CNTROB: variants seen among roughly 807,000 people sequenced by gnomAD.
CNTROB encodes centrobin.
In CNTROB, 82 loss-of-function variants were observed where a neutral mutation model predicts 115.7. The ratio of observed to expected loss-of-function variants is 0.71; its 90% CI spans 0.59 to 0.85. The LOEUF (loss-of-function observed/expected upper bound fraction) is 0.85, where lower values mean the gene tolerates loss of function less well. Ranked by LOEUF, CNTROB falls within the 40% of genes least tolerant of loss-of-function variation. The probability of loss-of-function intolerance (pLI) is 0.00; values close to 1 mark genes in which losing one functional copy is unlikely to be tolerated. For synonymous variants in CNTROB, 439 were observed against 456.4 expected (o/e 0.96, Z 0.49); for missense variants, 1,014 against 1,144.4 (o/e 0.89, Z 1.64).
In CNTROB at chr17:7,944,138, C is replaced by T. The variant is rs371612536; in HGVS notation, c.1461C>T (p.Asp487=). ...TGCCCTGTAGGAAGCAGCTGCAGGA[C>T]CTGAGTGGACAGCACCAGCAGGAGC... ...LREHHRKQLQ[D]LSGQHQQELA... The change falls in exon 11 of 19, where the codon GAC becomes GAT. Residue 487 remains aspartate (D), a synonymous_variant. Coordinates refer to ENST00000563694, the MANE Select transcript of CNTROB (RefSeq NM_053051.5). This position sits in a 1 kb window ranked among gnomAD's most constrained non-coding sequence, Gnocchi z 4.0. 1.5e-5 allele frequency: 24 copies of T among 1,609,836 alleles called. No homozygotes were observed. The highest frequency in any genetic ancestry group is 2.0e-5 in the Non-Finnish European group (24 of 1,176,204).
rs1361640059 is a variant in CNTROB at position 7,932,748 on chromosome 17, C to T, written c.-332C>T. Reference sequence around the variant, plus strand: ...AGCCTGTGCCGGAGTTGATCTGCAGCTTCCAGCACTCGTAGTCGGGAAGAG... The same window carrying T: ...AGCCTGTGCCGGAGTTGATCTGCAGTTTCCAGCACTCGTAGTCGGGAAGAG... On this transcript the variant is annotated 5_prime_UTR_variant, in exon 1 of 19. Transcript: ENST00000563694. The T allele has an allele frequency of 3.6e-6, 1 of 279,586 alleles. No individual in the cohort carries two copies. Among genetic ancestry groups the T allele is most frequent in the East Asian group, 8.0e-5 (1 of 12,466 alleles). 17.3% of individuals were successfully genotyped at this position (279,586 alleles called of 1,614,324 possible).
chr17:7,944,500 G>A lies in CNTROB; in HGVS notation c.1596G>A (p.Val532=), dbSNP rs774299937. Residue 532 remains valine, a synonymous_variant, in exon 12 of 19, where the codon GTG becomes GTA. Coordinates refer to ENST00000563694, the MANE Select transcript of CNTROB (RefSeq NM_053051.5). This position sits in a 1 kb window ranked among gnomAD's most constrained non-coding sequence, Gnocchi z 4.0. ...ELRLAREQAR[V]CELQSGNQQL... is the part of the protein sequence containing the mutation. ...GACTGGCCCGGGAGCAAGCGCGAGT[G>A]TGCGAACTGCAGAGTGGGAACCAGC... The A allele has an allele frequency of 2.5e-6, 4 of 1,613,920 alleles. No individual in the cohort carries two copies. In the East Asian group the frequency reaches 6.7e-5, roughly 27 times the overall value.
chr17:7,934,846 A>G (rs1972951618), intron 3 of CNTROB, 143 bp from the exon 4 acceptor site: 1 of 899,832 alleles, frequency 1.1e-6, no homozygotes, highest in African/African-American at 1.7e-5. Flanking sequence ...TATTTATAGC[A>G]CTATGGTTAT....
chr17:7,945,916 G>T lies in CNTROB; in HGVS notation c.1923G>T (p.Leu641Phe). ...CCTCCTCAGATCTTAGCCTCCTGTT[G>T]GGCCCCTCTTTTCAGAGCCAGCATT... ...CSSSSDLSLLLGPSFQSQHSF... is the reference protein window; with the variant it reads ...CSSSSDLSLLFGPSFQSQHSF... Residue 641 changes from leucine to phenylalanine, a missense_variant, in exon 13 of 19, where the codon TTG becomes TTT. Leu to Phe is a conservative substitution (Grantham distance 22). Transcript: ENST00000563694. 1.2e-6 allele frequency: 2 copies of T among 1,614,082 alleles called. No homozygotes were observed. The highest frequency in any genetic ancestry group is 1.7e-6 in the Non-Finnish European group (2 of 1,179,962).
chr17:7,933,373 C>A, intron 1 of CNTROB, 24 bp downstream of exon 1: 1 of 1,595,606 alleles, frequency 6.3e-7, no homozygotes. Context: ...GTCTTGGAGA[C>A]CACTGTGGCA....
intron 14 of CNTROB, 52 bp from the exon 15 acceptor site, chr17:7,947,864 G>A: frequency 6.2e-7 from 1 of 1,610,250 alleles, no homozygotes; most frequent in Non-Finnish European, 8.5e-7. Context: ...AGATCCCTGG[G>A]CGTTTTTCTC....
Position 7,934,986 on chromosome 17 carries a change from C to G in CNTROB, c.438-3C>G, listed in dbSNP as rs746877236. 5 of 1,576,826 alleles carry G rather than the reference C, an allele frequency of 3.2e-6. No individual in the cohort carries two copies. The South Asian group carries it at 5.8e-5, about 18-fold the overall frequency. On this transcript the variant is annotated splice_polypyrimidine_tract_variant and splice_region_variant and intron_variant, in intron 3 of 18. Coordinates refer to ENST00000563694, the MANE Select transcript of CNTROB (RefSeq NM_053051.5). Reference sequence around the variant, plus strand: ...CCTAACATTCTCTACCTGATTTGCTCAGCACCCGGCCCCTGCAAGACTTGT... The same window carrying G: ...CCTAACATTCTCTACCTGATTTGCTGAGCACCCGGCCCCTGCAAGACTTGT...
intron 7 of CNTROB, among the ~76,000 whole-genome samples, chr17:7,937,875 A>T (rs2151746522): frequency 6.6e-6 from 1 of 152,208 alleles, no homozygotes; most frequent in South Asian, 2.1e-4. Flanking sequence ...GATTCAGTAG[A>T]TATATGGTGG....
At chr17:7,933,708 A>G (rs979811201) in intron 1 of CNTROB, among the ~76,000 whole-genome samples, 2 of 152,216 alleles carry the variant, frequency 1.3e-5, no homozygotes, top group Non-Finnish European at 2.9e-5. Flanking sequence ...CTTCCAGCTC[A>G]ACACTATGTT....
chr17:7,934,800 TGCTG>T (rs1237406858), intron 3 of CNTROB, 185 bp from the exon 4 acceptor site: 4 of 748,424 alleles, frequency 5.3e-6, no homozygotes, highest in Non-Finnish European at 8.5e-6. Context: ...AGCTTGTTTC[TGCTG>T]AAACCTTTAA....
chr17:7,942,596 CAAAAAAAAAAAAAA>C (rs377086554), intron 9 of CNTROB, among the ~76,000 whole-genome samples: 2,427 of 56,572 alleles, frequency 0.043, 76 homozygotes, highest in Middle Eastern at 0.22. Flanking sequence ...GACTCCATCT[CAAAAAAAAAAAAAA>C]AAAAAAAAAA....
chr17:7,948,337 T>C lies in CNTROB; in HGVS notation c.2380+10T>C. 6.2e-7 allele frequency: 1 copy of C among 1,613,906 alleles called. No homozygotes were observed. The highest frequency in any genetic ancestry group is 8.5e-7 in the Non-Finnish European group (1 of 1,179,842). On this transcript the variant is annotated intron_variant, in intron 16 of 18. Transcript: ENST00000563694. The surrounding 1 kb of genome is among the most constrained non-coding windows in gnomAD (Gnocchi z 4.4). ...GGTTCCCCAGAGAGAGGTGAGCATGTTCTGGTTTATTAGGGAAAAAAGGAG... is the reference window on the plus strand; with the variant it reads ...GGTTCCCCAGAGAGAGGTGAGCATGCTCTGGTTTATTAGGGAAAAAAGGAG...
At position 7,947,961 on chromosome 17, in the gene CNTROB, C is replaced by T. The variant is rs1164129803; in HGVS notation, c.2191C>T (p.Leu731=). The stretch of plus-strand genomic sequence containing the variant: ...GAACAATGAGAACCCTTCTGTCGAC[C>T]TGTTGCCCCCTAAGTCTGGTGAGTT... ...PQNNENPSVD[L]LPPKSGPLTV... Residue 731 remains leucine, a synonymous_variant, in exon 15 of 19, where the codon CTG becomes TTG. Coordinates refer to ENST00000563694, the MANE Select transcript of CNTROB (RefSeq NM_053051.5). 13 of 1,613,828 alleles carry T rather than the reference C, an allele frequency of 8.1e-6. No homozygotes were observed. In the South Asian group the frequency reaches 1.2e-4, roughly 15 times the overall value.
Position 7,943,382 on chromosome 17 carries a change from T to A in CNTROB, c.1312-9T>A, listed in dbSNP as rs202128276. ...ATTTGGGCCGTTATCCCACCTTCCT[T>A]CACTCCAGGCCCGGTATGAAAGCCA... On this transcript the variant is annotated splice_polypyrimidine_tract_variant and intron_variant, in intron 9 of 18. Transcript: ENST00000563694. The surrounding 1 kb of genome is among the most constrained non-coding windows in gnomAD (Gnocchi z 4.7). 1.9e-6 allele frequency: 3 copies of A among 1,607,182 alleles called. No homozygotes were observed. The highest frequency in any genetic ancestry group is 1.7e-6 in the Non-Finnish European group (2 of 1,174,766).
chr17:7,933,104 A>G lies in CNTROB; in HGVS notation c.25A>G (p.Ser9Gly). 6.2e-7 allele frequency: 1 copy of G among 1,614,084 alleles called. No individual in the cohort carries two copies. The highest frequency in any genetic ancestry group is 8.5e-7 in the Non-Finnish European group (1 of 1,180,000). ...CATGGCAACATCAGCTGACAGCCCC[A>G]GTTCACCCCTCGGGGCGGAGGATCT... The part of the protein sequence containing the change: MATSADSP[S>G]SPLGAEDLLS... Residue 9 changes from serine (S) to glycine (G), a missense_variant, in exon 1 of 19, where the codon AGT becomes GGT. Transcript: ENST00000563694.
At chr17:7,936,084 T>C (rs753236196) in intron 4 of CNTROB, 4 of 377,596 alleles carry the variant, frequency 1.1e-5, no homozygotes, top group African/African-American at 2.1e-5. Flanking sequence ...GCTGCATCTC[T>C]GCCAAAAGGT....
Position 7,944,295 on chromosome 17 carries a change from T to C in CNTROB, c.1571+47T>C, listed in dbSNP as rs2151767633. ...CTTTCAGGCCCCAGCCCCTTTCCCA[T>C]GGGTAGAGCCCAAACTGGGAACGGT... On this transcript the variant is annotated intron_variant, in intron 11 of 18. Coordinates refer to ENST00000563694, the MANE Select transcript of CNTROB (RefSeq NM_053051.5). This position sits in a 1 kb window ranked among gnomAD's most constrained non-coding sequence, Gnocchi z 4.0. 6.2e-7 allele frequency: 1 copy of C among 1,603,536 alleles called. No homozygotes were observed. Among genetic ancestry groups the C allele is most frequent in the East Asian group, 2.2e-5 (1 of 44,836 alleles).
In CNTROB at chr17:7,939,681, G is replaced by T; in HGVS notation, c.1096G>T (p.Glu366Ter). The change falls in exon 8 of 19, where the codon GAG (glutamate) becomes TAG (stop). Residue 366 changes from glutamate (E) to a stop codon, truncating the protein, a stop_gained. Coordinates refer to ENST00000563694, the MANE Select transcript of CNTROB (RefSeq NM_053051.5). LOFTEE classifies it high-confidence loss of function. This position sits in a 1 kb window ranked among gnomAD's most constrained non-coding sequence, Gnocchi z 4.4. Reference protein sequence around the residue: ...EEERQTWAQQEHQLKEHYQAL... With the variant: ...EEERQTWAQQ ...AGAACGGCAGACCTGGGCCCAGCAA[G>T]AGCACCAGCTTAAGGAACACTACCA... The T allele has an allele frequency of 6.2e-7, 1 of 1,614,132 alleles. No homozygotes were observed. Among genetic ancestry groups the T allele is most frequent in the South Asian group, 1.1e-5 (1 of 91,076 alleles).
chr17:7,946,877 A>G (rs575475250), intron 13 of CNTROB, among the ~76,000 whole-genome samples: 6 of 152,098 alleles, frequency 3.9e-5, no homozygotes, highest in African/African-American at 1.4e-4. Flanking sequence ...CTTAAAAAAA[A>G]AAAAAAGAGA....
Sources: gnomAD v4.1 joint callset for allele counts (sites outside exome capture counted in the v4.1 genomes callset) on GRCh38, gnomAD v4.1.1 for gene constraint, Gnocchi (gnomAD v3.1) non-coding constraint, MANE v1.5 for transcripts, NCBI Gene and HGNC (gene_info 2026-07-23, HGNC 2026-07-21) for gene names.